Variants in ARMC3 observed in about 807,000 individuals in gnomAD.
The protein encoded by ARMC3 is armadillo repeat containing 3.
In ARMC3, 74 loss-of-function variants were observed where a neutral mutation model predicts 90.3. The ratio of observed to expected loss-of-function variants is 0.82; its 90% confidence interval spans 0.68 to 0.99. The LOEUF (loss-of-function observed/expected upper bound fraction) is 0.99, where lower values mean the gene tolerates loss of function less well. Among genes scored for constraint, ARMC3 ranks in the 50% least tolerant of loss-of-function variants. The pLI is 0.00. For missense variants in ARMC3, 958 were observed against 1,042.8 expected, an observed-to-expected ratio of 0.92 and a Z score of 1.12; for synonymous variants, 334 against 361.8, an observed-to-expected ratio of 0.92 and a Z score of 0.87.
chr10:22,948,347 G>A (rs1361241874), intron 3 of ARMC3, among the ~76,000 whole-genome samples: 1 of 151,912 alleles, frequency 6.6e-6, no homozygotes, highest in Non-Finnish European at 1.5e-5. Context: ...CTAATTATGT[G>A]TTATCTCTTT....
intron 8 of ARMC3, among the ~76,000 whole-genome samples, chr10:22,968,939 C>T (rs551898500): frequency 6.6e-5 from 10 of 152,246 alleles, no homozygotes; most frequent in South Asian, 2.1e-4. Context: ...ATCTCACTTC[C>T]AATGAGTTAG....
chr10:23,007,311 A>G (rs528805250), intron 14 of ARMC3, among the ~76,000 whole-genome samples: 4 of 152,298 alleles, frequency 2.6e-5, no homozygotes, highest in African/African-American at 9.6e-5. Flanking sequence ...CATGTTTACA[A>G]TTCTCCAGGA....
At chr10:22,998,452 G>T (rs1837118465) in intron 11 of ARMC3, 55 bp downstream of exon 11, 2 of 1,582,948 alleles carry the variant, frequency 1.3e-6, no homozygotes, top group Admixed American at 1.7e-5. Flanking sequence ...ACCTACTGGT[G>T]GATTCATTGG....
chr10:23,022,481 G>C (rs568529716), intron 16 of ARMC3, among the ~76,000 whole-genome samples: 2 of 152,242 alleles, frequency 1.3e-5, no homozygotes, highest in African/African-American at 4.8e-5. Context: ...GAACTGGCTG[G>C]GGACCCTATG....
At chr10:23,015,943 C>G (rs1838248125) in intron 16 of ARMC3, among the ~76,000 whole-genome samples, 1 of 152,082 alleles carries the variant, frequency 6.6e-6, no homozygotes, top group Admixed American at 6.5e-5. Context: ...AAACAAAAAC[C>G]TTTGCCTTCA....
intron 7 of ARMC3, among the ~76,000 whole-genome samples, chr10:22,967,892 C>T (rs1214349049): frequency 6.6e-6 from 1 of 152,188 alleles, no homozygotes; most frequent in Non-Finnish European, 1.5e-5. Context: ...TTTCCTCAGG[C>T]AAGACGGCCA....
chr10:23,037,547 C>A lies in ARMC3; in HGVS notation c.*68C>A. The A allele has an allele frequency of 1.6e-6, 2 of 1,266,098 alleles. No homozygotes were observed. Among genetic ancestry groups the A allele is most frequent in the East Asian group, 2.5e-5 (1 of 39,930 alleles). The allele number at this position is 1,266,098 out of a possible 1,614,324, so 78.4% of individuals were successfully genotyped here. Reference sequence around the variant, plus strand: ...TGTGTACACTCTCTAAGACATTCTCCAAATTGATTTTATCTCTTTAAATAA... The same window carrying A: ...TGTGTACACTCTCTAAGACATTCTCAAAATTGATTTTATCTCTTTAAATAA... On this transcript the variant is annotated 3_prime_UTR_variant, in exon 19 of 19. Transcript: ENST00000298032.
intron 11 of ARMC3, 83 bp from the exon 12 acceptor site, chr10:23,001,836 A>G: frequency 6.9e-7 from 1 of 1,443,694 alleles, no homozygotes; most frequent in Non-Finnish European, 9.4e-7. Flanking sequence ...ACCTTTTAGC[A>G]ATCAAATAAT....
rs1410008453 is a variant in ARMC3 at position 23,037,336 on chromosome 10, G to T, written c.2476G>T (p.Glu826Ter). The change falls in exon 19 of 19, where the codon GAA becomes TAA. Residue 826 changes from glutamate (E) to a stop codon, truncating the protein, a stop_gained. Transcript: ENST00000298032. LOFTEE classifies it low-confidence loss of function (END_TRUNC). The part of the protein sequence containing the change: ...VRGEYGRAWN[E>*]VMLQNDSRKG... ...CGGAGAGTACGGTAGAGCGTGGAAT[G>T]AAGTCATGCTGCAGAATGACTCTCG... 1 of 1,613,974 alleles carries T rather than the reference G, an allele frequency of 6.2e-7. No homozygotes were observed. Among genetic ancestry groups the T allele is most frequent in the Admixed American group, 1.7e-5 (1 of 60,004 alleles).
At chr10:23,015,342 C>G (rs572951386) in intron 16 of ARMC3, among the ~76,000 whole-genome samples, 17 of 152,258 alleles carry the variant, frequency 1.1e-4, no homozygotes, top group African/African-American at 4.1e-4. Context: ...ATCCACTCTC[C>G]TCCTTCCTTA....
In ARMC3 at chr10:23,037,671, A is replaced by T; in HGVS notation, c.*192A>T. ...CTTCTGATTTCAGGCTTTTGGCAAG[A>T]GTTCTGTCTTATTAGGTCATTTTCC... On this transcript the variant is annotated 3_prime_UTR_variant, in exon 19 of 19. Transcript: ENST00000298032. The T allele has an allele frequency of 1.8e-6, 1 of 570,340 alleles. No individual in the cohort carries two copies. Among genetic ancestry groups the T allele is most frequent in the Non-Finnish European group, 2.9e-6 (1 of 341,180 alleles). 35.3% of individuals were successfully genotyped at this position (570,340 alleles called of 1,614,324 possible).
At chr10:23,014,558 C>T in intron 16 of ARMC3, 3 of 904,054 alleles carry the variant, frequency 3.3e-6, no homozygotes, top group Non-Finnish European at 4.0e-6. Context: ...CCTAAATGCC[C>T]ATCAATGATC....
At chr10:22,958,306 CTAA>C (rs1835036705) in intron 4 of ARMC3, among the ~76,000 whole-genome samples, 1 of 152,040 alleles carries the variant, frequency 6.6e-6, no homozygotes, top group Non-Finnish European at 1.5e-5. Context: ...TTTGGCATTT[CTAA>C]TAATCAAATT....
At chr10:22,980,511 A>C (rs1248934081) in intron 8 of ARMC3, among the ~76,000 whole-genome samples, 1 of 151,982 alleles carries the variant, frequency 6.6e-6, no homozygotes, top group Non-Finnish European at 1.5e-5. Flanking sequence ...GCTAGAACAT[A>C]AAAAATAGAA....
At chr10:23,036,093 A>G (rs1311826067) in intron 18 of ARMC3, among the ~76,000 whole-genome samples, 1 of 152,202 alleles carries the variant, frequency 6.6e-6, no homozygotes, top group African/African-American at 2.4e-5. Flanking sequence ...AAACAATAGC[A>G]TCTATTCCAC....
At chr10:22,944,059 G>C (rs1834426084) in intron 2 of ARMC3, among the ~76,000 whole-genome samples, 1 of 152,060 alleles carries the variant, frequency 6.6e-6, no homozygotes, top group African/African-American at 2.4e-5. Flanking sequence ...GTCCTCCCAA[G>C]TTGTGGCTGG....
chr10:22,934,392 G>A (rs1412509093), intron 2 of ARMC3, among the ~76,000 whole-genome samples: 1 of 152,168 alleles, frequency 6.6e-6, no homozygotes, highest in Non-Finnish European at 1.5e-5. Context: ...CCTACATATG[G>A]AAAAGACACG....
intron 2 of ARMC3, among the ~76,000 whole-genome samples, chr10:22,945,731 G>T (rs554361461): frequency 6.6e-6 from 1 of 152,162 alleles, no homozygotes; most frequent in African/African-American, 2.4e-5. Flanking sequence ...ATAAACATCT[G>T]TCATGTGCCA....
chr10:22,941,529 T>C (rs1158394409), intron 2 of ARMC3, among the ~76,000 whole-genome samples: 2 of 152,214 alleles, frequency 1.3e-5, no homozygotes, highest in African/African-American at 4.8e-5. Flanking sequence ...AGTTATCTAA[T>C]GTGCTATTCT....
Sources: allele counts gnomAD v4.1 joint callset (sites outside exome capture counted in the v4.1 genomes callset), GRCh38; gene constraint gnomAD v4.1.1; transcripts MANE v1.5; gene names NCBI Gene and HGNC (gene_info 2026-07-23, HGNC 2026-07-21).